The following SNURF variants were observed in gnomAD, a reference collection of about 807,000 sequenced individuals.
SNURF encodes the protein SNRPN upstream open reading frame.
SNURF carries 6 observed loss-of-function variants against 11.6 expected under a neutral mutation model. The ratio of observed to expected loss-of-function variants is 0.52; its 90% CI spans 0.28 to 1.02. SNURF has a LOEUF of 1.02. SNURF is among the 50% of genes least tolerant of loss of function. SNURF has a pLI of 0.09. For synonymous variants in SNURF, 29 were observed against 31.6 expected (o/e 0.92, Z 0.27); for missense variants, 84 against 88.4 (o/e 0.95, Z 0.20).
chr15:24,967,091 A>G (rs547700193), intron 2 of SNURF: 2 of 152,346 alleles, frequency 1.3e-5, no homozygotes, highest in Non-Finnish European at 2.9e-5. Flanking sequence ...CAAATGCTTT[A>G]GCAGCATCTC....
intron 2 of SNURF, among the ~76,000 whole-genome samples, chr15:24,965,593 CAG>C: frequency 6.6e-6 from 1 of 152,154 alleles, no homozygotes; most frequent in Non-Finnish European, 1.5e-5. Context: ...TTCTGTCTTT[CAG>C]TGTATTTGTC....
exon 3 of SNURF, chr15:24,968,291 G>T: frequency 2.5e-6 from 1 of 394,172 alleles, no homozygotes; most frequent in Non-Finnish European, 4.6e-6. Context: ...TTATTGTAGC[G>T]CATGCTTTTC....
downstream of SNURF, among the ~76,000 whole-genome samples, chr15:24,969,463 T>C (rs2076127118): frequency 6.6e-6 from 1 of 152,206 alleles, no homozygotes; most frequent in East Asian, 1.9e-4. Flanking sequence ...ACAGAAATTT[T>C]CTGAGAAATC....
downstream of SNURF, among the ~76,000 whole-genome samples, chr15:24,970,393 ACATGGC>A (rs1403861256): frequency 6.6e-6 from 1 of 152,190 alleles, no homozygotes; most frequent in African/African-American, 2.4e-5. Context: ...CAACCTGGCC[ACATGGC>A]GAAACCCCAT....
intron 4 of SNURF, among the ~76,000 whole-genome samples, chr15:24,976,124 C>T (rs1316758821): frequency 6.6e-6 from 1 of 152,150 alleles, no homozygotes; most frequent in African/African-American, 2.4e-5. Flanking sequence ...TAGAAAATAG[C>T]TTCACTATTT....
At chr15:24,977,716 T>C in intron 6 of SNURF, 2 of 1,457,734 alleles carry the variant, frequency 1.4e-6, no homozygotes, top group Middle Eastern at 3.6e-4. Flanking sequence ...TCATTTATTT[T>C]CTGTGTTTGA....
intron 4 of SNURF, chr15:24,976,291 A>T (rs745915220): frequency 1.9e-6 from 3 of 1,608,130 alleles, no homozygotes; most frequent in Non-Finnish European, 2.6e-6. Flanking sequence ...CTAAAATTTA[A>T]TTCTGATTTG....
rs78026681 is a variant in SNURF at position 24,974,502 on chromosome 15, C to T, written c.*46-856C>T. 5,869 of 1,595,894 alleles carry T rather than the reference C, an allele frequency of 3.7e-3. 194 individuals carry two copies. In the African/African-American group the frequency reaches 0.069, roughly 19 times the overall value. On this transcript the variant is annotated intron_variant and NMD_transcript_variant, in intron 3 of 6. Coordinates refer to the SNURF transcript ENST00000580062. Reference sequence around the variant, plus strand: ...GAGGGTTGAAATGTGCTGTAAGGGCCGAAAGAAATAGTTTGCCAGCATGTG... The same window carrying T: ...GAGGGTTGAAATGTGCTGTAAGGGCTGAAAGAAATAGTTTGCCAGCATGTG...
chr15:24,974,467 T>C (rs1236824693), intron 3 of SNURF: 2 of 1,613,616 alleles, frequency 1.2e-6, no homozygotes, highest in Non-Finnish European at 8.5e-7. Flanking sequence ...GTAAGCTGTA[T>C]GATAAGGCTG....
chr15:24,977,957 A>G (rs770009747), downstream of SNURF: 3 of 1,510,596 alleles, frequency 2.0e-6, no homozygotes, highest in Non-Finnish European at 2.7e-6. Flanking sequence ...TGAATCTCTG[A>G]TGAGAGATAG....
At chr15:24,975,305 A>G (rs981063236) in intron 3 of SNURF, 2 of 1,475,318 alleles carry the variant, frequency 1.4e-6, no homozygotes, top group African/African-American at 1.4e-5. Context: ...GGAGAAGATT[A>G]GAAGACTAGG....
At chr15:24,958,387 T>C (rs200785845) in intron 1 of SNURF, among the ~76,000 whole-genome samples, 13 of 120,708 alleles carry the variant, frequency 1.1e-4, no homozygotes, top group African/African-American at 5.4e-4. Context: ...TCCTGTCTCC[T>C]TTTTTTTTTT....
intron 1 of SNURF, among the ~76,000 whole-genome samples, chr15:24,957,820 C>T (rs2063173994): frequency 6.6e-6 from 1 of 152,044 alleles, no homozygotes; most frequent in Non-Finnish European, 1.5e-5. Flanking sequence ...TATTTGCAAG[C>T]TGAGTATTTA....
exon 2 of SNURF, chr15:24,962,116 A>G (rs770705956): frequency 1.2e-6 from 2 of 1,614,012 alleles, no homozygotes; most frequent in Admixed American, 1.7e-5. Flanking sequence ...TGTTTCAGGG[A>G]TCGCTTACAC....
intron 1 of SNURF, among the ~76,000 whole-genome samples, chr15:24,957,082 C>A (rs2153393067): frequency 6.6e-6 from 1 of 152,284 alleles, no homozygotes; most frequent in East Asian, 1.9e-4. Context: ...GACTTGTTAA[C>A]CCCTTTTTTT....
chr15:24,956,337 C>T (rs1024899129), intron 1 of SNURF, among the ~76,000 whole-genome samples: 1 of 141,674 alleles, frequency 7.1e-6, no homozygotes, highest in Non-Finnish European at 1.5e-5. Flanking sequence ...CGGCTTAGAT[C>T]TGCGCAAGCG....
intron 1 of SNURF, among the ~76,000 whole-genome samples, chr15:24,961,723 ATTTTTTGAAAC>A (rs2074857488): frequency 6.6e-6 from 1 of 152,094 alleles, no homozygotes; most frequent in African/African-American, 2.4e-5. Flanking sequence ...TCCTAAAAAT[ATTTTTTGAAAC>A]CATTTTGGAA....
At chr15:24,977,965 T>C, downstream of SNURF, 1 of 1,489,872 alleles carries the variant, frequency 6.7e-7, no homozygotes, top group Non-Finnish European at 9.0e-7. Context: ...TGATGAGAGA[T>C]AGCTTACTGA....
chr15:24,962,048 T>A, intron 1 of SNURF, 66 bp from the exon 2 acceptor site: 1 of 1,301,206 alleles, frequency 7.7e-7, no homozygotes. Context: ...AAATATAACC[T>A]TGACAAATAG....
Sources: gnomAD v4.1 joint callset for allele counts (sites outside exome capture counted in the v4.1 genomes callset) on GRCh38, gnomAD v4.1.1 for gene constraint, MANE v1.5 for transcripts, NCBI Gene and HGNC (gene_info 2026-07-23, HGNC 2026-07-21) for gene names.